MPRIP: variants seen among roughly 807,000 people sequenced by gnomAD.
The protein encoded by MPRIP is myosin phosphatase Rho interacting protein, also known as myosin phosphatase Rho-interacting protein.
In MPRIP, 59 loss-of-function variants were observed where a neutral mutation model predicts 234.9. That is an observed-to-expected ratio of 0.25 (90% CI 0.20 to 0.31). The LOEUF is 0.31. MPRIP is among the 10% of genes least tolerant of loss of function. The pLI, the probability that MPRIP is intolerant of heterozygous loss-of-function variation, is 1.00. For missense variants in MPRIP, 2,436 were observed against 3,071.0 expected (o/e 0.79, Z 4.89); for synonymous variants, 1,144 against 1,263.9 (o/e 0.91, Z 2.01).
rs1179157614 is a variant in MPRIP, at chr17:17,165,866, C to T, written c.4275C>T (p.Thr1425=). Reference sequence around the variant, plus strand: ...CACTGCACCACCAGTGGGCGGGCACCGAGGCCCAGCTGCGTGAGCAGCTCC... The same window carrying T: ...CACTGCACCACCAGTGGGCGGGCACTGAGGCCCAGCTGCGTGAGCAGCTCC... ...LLALHHQWAG[T]EAQLREQLRA... Residue 1425 remains threonine, a synonymous_variant, in exon 16 of 24, where the codon ACC becomes ACT. Coordinates refer to ENST00000651222, the MANE Select transcript of MPRIP (RefSeq NM_001364716.4). 1.4e-5 allele frequency: 18 copies of T among 1,304,004 alleles called. No individual in the cohort carries two copies. The highest frequency in any genetic ancestry group is 1.8e-5 in the Non-Finnish European group (18 of 988,942). 80.8% of individuals were successfully genotyped at this position (1,304,004 alleles called of 1,614,324 possible).
intron 11 of MPRIP, 178 bp from the exon 12 acceptor site, chr17:17,149,966 G>C (rs1452159387): frequency 3.5e-6 from 2 of 563,408 alleles, no homozygotes; most frequent in East Asian, 3.0e-5. Flanking sequence ...ATGGTGGTGT[G>C]ATTGCACCCA....
At chr17:17,159,847 A>G (rs1365033986) in intron 14 of MPRIP, among the ~76,000 whole-genome samples, 1 of 152,246 alleles carries the variant, frequency 6.6e-6, no homozygotes, top group Non-Finnish European at 1.5e-5. Flanking sequence ...CCACTTGGGT[A>G]TGCCTCAAGC....
At chr17:17,058,294 G>C (rs1331772424) in intron 1 of MPRIP, among the ~76,000 whole-genome samples, 1 of 152,134 alleles carries the variant, frequency 6.6e-6, no homozygotes, top group East Asian at 1.9e-4. Context: ...GGGGCCAGGG[G>C]GAGCAGGGAC....
At chr17:17,147,453 A>G in intron 11 of MPRIP, 66 bp downstream of exon 11, 1 of 1,443,370 alleles carries the variant, frequency 6.9e-7, no homozygotes, top group Non-Finnish European at 9.8e-7. Context: ...ATCTGGGGCT[A>G]GTAGATCTGC....
intron 7 of MPRIP, among the ~76,000 whole-genome samples, chr17:17,140,545 C>A (rs2144493515): frequency 6.6e-6 from 1 of 152,280 alleles, no homozygotes; most frequent in Admixed American, 6.5e-5. Flanking sequence ...TTGATTAGAG[C>A]AGAATCTCCA....
At position 17,173,896 on chromosome 17, in the gene MPRIP, G is replaced by T; in HGVS notation, c.6591-20G>T. On this transcript the variant is annotated intron_variant, in intron 18 of 23. Coordinates refer to ENST00000651222, the MANE Select transcript of MPRIP (RefSeq NM_001364716.4). ...CTTGTCCAGAAGCAGGCAGAGGAGT[G>T]AGTGCTGCCCTCTCCCCAGGGAGGA... The T allele has an allele frequency of 3.1e-6, 5 of 1,613,168 alleles. No homozygotes were observed. Among genetic ancestry groups the T allele is most frequent in the Non-Finnish European group, 4.2e-6 (5 of 1,179,856 alleles).
At chr17:17,136,513 C>A in intron 6 of MPRIP, 63 bp downstream of exon 6, 1 of 1,491,732 alleles carries the variant, frequency 6.7e-7, no homozygotes, top group Non-Finnish European at 9.1e-7. Flanking sequence ...CAGAGCTGGC[C>A]CTGGGGATTC....
At chr17:17,159,516 G>A (rs1312479472) in intron 14 of MPRIP, among the ~76,000 whole-genome samples, 2 of 152,198 alleles carry the variant, frequency 1.3e-5, no homozygotes, top group Non-Finnish European at 2.9e-5. Context: ...AGAAGACAGT[G>A]GTGAGGCAGG....
At chr17:17,100,645 G>A (rs1338720859) in intron 3 of MPRIP, among the ~76,000 whole-genome samples, 1 of 151,982 alleles carries the variant, frequency 6.6e-6, no homozygotes, top group Non-Finnish European at 1.5e-5. Context: ...GGTCTAGGTT[G>A]TGTGCTCCTT....
intron 1 of MPRIP, among the ~76,000 whole-genome samples, chr17:17,060,737 GGCTCTGGGTCCT>G (rs1229543114): frequency 6.6e-6 from 1 of 152,192 alleles, no homozygotes; most frequent in Admixed American, 6.5e-5. Context: ...CCCGGGACAG[GGCTCTGGGTCCT>G]GATGATGTTG....
Position 17,191,370 on chromosome 17 carries a change from C to G in MPRIP, c.*6476C>G, listed in dbSNP as rs911528225. On this transcript the variant is annotated 3_prime_UTR_variant, in exon 24 of 24. Transcript: ENST00000651222. ...CTTCAAGACCACTCACTGGGCAGGG[C>G]TCTGTGGAGCACTGGAGCTGTTTGG... 1 of 152,252 alleles carries G rather than the reference C, an allele frequency of 6.6e-6. No individual in the cohort carries two copies. Among genetic ancestry groups the G allele is most frequent in the African/African-American group, 2.4e-5 (1 of 41,462 alleles). 9.4% of individuals were successfully genotyped at this position (152,252 alleles called of 1,614,324 possible). A position where few individuals can be genotyped will look rare whatever the true frequency, so the allele number is the denominator to read the frequency against.
intron 11 of MPRIP, 108 bp downstream of exon 11, chr17:17,147,495 G>C: frequency 1.9e-6 from 2 of 1,073,432 alleles, no homozygotes; most frequent in Non-Finnish European, 2.9e-6. Flanking sequence ...CACTTCTGAG[G>C]ACAGCGCCCT....
chr17:17,060,192 TCTTC>T (rs1278280336), intron 1 of MPRIP, among the ~76,000 whole-genome samples: 1 of 152,118 alleles, frequency 6.6e-6, no homozygotes, highest in Non-Finnish European at 1.5e-5. Flanking sequence ...GCTGTAGGGC[TCTTC>T]CTTCCATGTG....
intron 3 of MPRIP, among the ~76,000 whole-genome samples, chr17:17,119,548 A>C (rs2144343052): frequency 6.6e-6 from 1 of 152,346 alleles, no homozygotes; most frequent in South Asian, 2.1e-4. Context: ...CCCAGCTTGT[A>C]CATTTGAAAG....
chr17:17,092,400 G>A (rs1228638818), intron 3 of MPRIP, among the ~76,000 whole-genome samples: 3 of 152,184 alleles, frequency 2.0e-5, no homozygotes, highest in African/African-American at 7.2e-5. Context: ...GCACTGTGAT[G>A]TGCAGAATAT....
chr17:17,120,211 T>C (rs1275767044), intron 3 of MPRIP, among the ~76,000 whole-genome samples: 2 of 152,208 alleles, frequency 1.3e-5, no homozygotes, highest in African/African-American at 4.8e-5. Context: ...CCTCTCACCA[T>C]ATTTCTGCTT....
At chr17:17,179,263 A>T (rs2046322676) in intron 22 of MPRIP, among the ~76,000 whole-genome samples, 1 of 152,096 alleles carries the variant, frequency 6.6e-6, no homozygotes, top group Non-Finnish European at 1.5e-5. Flanking sequence ...TCTGGCCAAC[A>T]TTGTGAAACC....
chr17:17,064,727 T>C (rs966176169), intron 1 of MPRIP, among the ~76,000 whole-genome samples: 5 of 152,212 alleles, frequency 3.3e-5, no homozygotes, highest in African/African-American at 1.2e-4. Context: ...AGTAGTTTGC[T>C]CCTTTTTATT....
At position 17,146,078 on chromosome 17, in the gene MPRIP, T is replaced by C. The variant is rs1359091375; in HGVS notation, c.1546T>C (p.Tyr516His). The C allele has an allele frequency of 1.1e-5, 17 of 1,614,046 alleles. No individual in the cohort carries two copies. The highest frequency in any genetic ancestry group is 1.4e-5 in the Non-Finnish European group (17 of 1,180,016). The change falls in exon 10 of 24, where the codon TAT becomes CAT. Residue 516 changes from tyrosine to histidine, a missense_variant. Transcript: ENST00000651222. Reference sequence around the variant, plus strand: ...CAAGAAAGGCTGGCTGACTAAGCAGTATGAGGACGGCCAGGTGAGTGTGCA... The same window carrying C: ...CAAGAAAGGCTGGCTGACTAAGCAGCATGAGGACGGCCAGGTGAGTGTGCA... ...NFKKGWLTKQ[Y>H]EDGQWKKHWF... is the part of the protein sequence containing the mutation.
Sources: allele counts gnomAD v4.1 joint callset (sites outside exome capture counted in the v4.1 genomes callset), GRCh38; gene constraint gnomAD v4.1.1; transcripts MANE v1.5; gene names NCBI Gene and HGNC (gene_info 2026-07-23, HGNC 2026-07-21).